Variants in PLEKHG7 observed in about 807,000 individuals in gnomAD.
PLEKHG7 encodes the protein pleckstrin homology domain-containing family G member 7.
PLEKHG7 carries 77 observed loss-of-function variants against 85.2 expected under a neutral mutation model. The observed-to-expected ratio is 0.90, with a 90% CI of 0.75 to 1.09. The LOEUF is 1.09. PLEKHG7 is among the 50% of genes least tolerant of loss of function. PLEKHG7 has a pLI of 0.00. For synonymous variants in PLEKHG7, 301 were observed against 302.4 expected (o/e 1.00, Z 0.05); for missense variants, 777 against 804.3 (o/e 0.97, Z 0.41).
At chr12:92,760,006 CCTT>C (rs1204487091) in intron 13 of PLEKHG7, among the ~76,000 whole-genome samples, 1 of 152,154 alleles carries the variant, frequency 6.6e-6, no homozygotes, top group African/African-American at 2.4e-5. Context: ...TAGGGAACTG[CCTT>C]CTTCTGTGTG....
chr12:92,763,019 C>T (rs1175691181), intron 14 of PLEKHG7, among the ~76,000 whole-genome samples: 2 of 152,034 alleles, frequency 1.3e-5, no homozygotes, highest in Non-Finnish European at 2.9e-5. Context: ...AAAATCTCTA[C>T]CCCCTTCAAA....
At chr12:92,732,326 AAAGT>A (rs749104781) in intron 5 of PLEKHG7, 53 bp downstream of exon 5, 243 of 1,079,460 alleles carry the variant, frequency 2.3e-4, no homozygotes, top group Non-Finnish European at 2.8e-4. Flanking sequence ...TGTAGCTAAG[AAAGT>A]AAGAAATGGC....
intron 15 of PLEKHG7, among the ~76,000 whole-genome samples, chr12:92,766,508 CTCTATT>C (rs1283728070): frequency 6.6e-6 from 1 of 152,008 alleles, no homozygotes; most frequent in Non-Finnish European, 1.5e-5. Context: ...GTTTTTTCTC[CTCTATT>C]TCTTTTTTTT....
chr12:92,754,232 A>G lies in PLEKHG7; in HGVS notation c.1394A>G (p.Tyr465Cys), dbSNP rs751146986. Residue 465 changes from tyrosine to cysteine, a missense_variant, in exon 11 of 17, where the codon TAC (tyrosine) becomes TGC (cysteine). Physicochemically the swap from Tyr to Cys is radical, Grantham distance 194 (BLOSUM62 -2). Coordinates refer to ENST00000344636, the MANE Select transcript of PLEKHG7 (RefSeq NM_001377329.1). ...GACTCTGCTGAGAAAATCATGATCTACTCCATCAAGGAAAAGGTGGAAAAG... is the reference window on the plus strand; with the variant it reads ...GACTCTGCTGAGAAAATCATGATCTGCTCCATCAAGGAAAAGGTGGAAAAG... The part of the protein sequence containing the change: ...SMDSAEKIMI[Y>C]SIKEKVEKSI... 23 of 1,613,784 alleles carry G rather than the reference A, an allele frequency of 1.4e-5. No homozygotes were observed. The South Asian group carries it at 2.3e-4, about 16-fold the overall frequency.
intron 15 of PLEKHG7, 102 bp downstream of exon 15, chr12:92,764,296 A>G: frequency 1.6e-6 from 2 of 1,224,430 alleles, no homozygotes; most frequent in Non-Finnish European, 2.3e-6. Flanking sequence ...AAGTCTTCAT[A>G]AAAACAAGAC....
intron 3 of PLEKHG7, among the ~76,000 whole-genome samples, chr12:92,712,116 A>G (rs1441374337): frequency 6.6e-6 from 1 of 152,154 alleles, no homozygotes; most frequent in Non-Finnish European, 1.5e-5. Context: ...TGGCATGCAA[A>G]TGTGTCACCA....
intron 3 of PLEKHG7, among the ~76,000 whole-genome samples, chr12:92,715,787 C>A (rs1197876438): frequency 6.7e-6 from 1 of 149,774 alleles, no homozygotes; most frequent in Non-Finnish European, 1.5e-5. Context: ...TGGCCCATAA[C>A]CTGTTTCTGT....
At chr12:92,761,382 T>C (rs1337347488) in intron 13 of PLEKHG7, among the ~76,000 whole-genome samples, 1 of 152,016 alleles carries the variant, frequency 6.6e-6, no homozygotes, top group Non-Finnish European at 1.5e-5. Flanking sequence ...AAATTCAATG[T>C]CTTTAATGTT....
intron 7 of PLEKHG7, among the ~76,000 whole-genome samples, chr12:92,738,939 A>AT (rs1309180822): frequency 6.6e-6 from 1 of 152,250 alleles, no homozygotes; most frequent in Non-Finnish European, 1.5e-5. Flanking sequence ...TTACAAGAGC[A>AT]CGTAATAGAA....
intron 3 of PLEKHG7, among the ~76,000 whole-genome samples, chr12:92,720,020 T>G (rs929062779): frequency 3.3e-5 from 5 of 152,230 alleles, no homozygotes; most frequent in African/African-American, 1.2e-4. Flanking sequence ...ATCTGGGTCC[T>G]AAGTTGGGTG....
At chr12:92,734,629 C>T (rs889924330) in intron 5 of PLEKHG7, among the ~76,000 whole-genome samples, 1 of 152,150 alleles carries the variant, frequency 6.6e-6, no homozygotes, top group Non-Finnish European at 1.5e-5. Flanking sequence ...TGGCCCTGTT[C>T]CTTCAACTGT....
intron 3 of PLEKHG7, among the ~76,000 whole-genome samples, chr12:92,725,677 TG>T (rs1345961877): frequency 6.6e-6 from 1 of 152,196 alleles, no homozygotes; most frequent in Non-Finnish European, 1.5e-5. Context: ...GAGGCATCCT[TG>T]CTTCATATAT....
At position 92,761,713 on chromosome 12, in the gene PLEKHG7, G is replaced by A. The variant is rs11106696; in HGVS notation, c.1637-39G>A. 2.6e-3 allele frequency: 3,906 copies of A among 1,525,872 alleles called. 16 individuals carry two copies. The highest frequency in any genetic ancestry group is 3.1e-3 in the Non-Finnish European group (3,548 of 1,145,332). 94.5% of individuals were successfully genotyped at this position (1,525,872 alleles called of 1,614,324 possible). On this transcript the variant is annotated intron_variant, in intron 13 of 16. Transcript: ENST00000344636. The stretch of plus-strand genomic sequence containing the variant: ...GAAAGAAAAACTCTTCTACTTAACA[G>A]TTTCAGGTCCCCATTTCAGCTTCTC...
At chr12:92,751,637 G>A (rs1395173390) in intron 10 of PLEKHG7, among the ~76,000 whole-genome samples, 1 of 150,718 alleles carries the variant, frequency 6.6e-6, no homozygotes, top group Middle Eastern at 3.2e-3. Context: ...GCCTCCCAAA[G>A]TGCTGGGATT....
At chr12:92,720,826 C>T (rs1489761438) in intron 3 of PLEKHG7, among the ~76,000 whole-genome samples, 1 of 152,178 alleles carries the variant, frequency 6.6e-6, no homozygotes. Flanking sequence ...CATTATACCC[C>T]ATTCTTTTTC....
rs1872190749 is a variant in PLEKHG7, at chr12:92,737,445, A to C, written c.863A>C (p.Lys288Thr). 1.9e-6 allele frequency: 3 copies of C among 1,583,516 alleles called. No homozygotes were observed. The highest frequency in any genetic ancestry group is 2.6e-6 in the Non-Finnish European group (3 of 1,171,760). ...CCGACCGATCAATTAGACCTGAAAA[A>C]GCAGCAAGAGGCCGTGTGGGAACTT... ...KLPTDQLDLK[K>T]QQEAVWELFT... The change falls in exon 7 of 17, where the codon AAG becomes ACG. Residue 288 changes from lysine to threonine, a missense_variant. By Grantham distance (78) the Lys-to-Thr change is moderately conservative. Coordinates refer to ENST00000344636, the MANE Select transcript of PLEKHG7 (RefSeq NM_001377329.1).
At chr12:92,729,946 G>A (rs1345940835) in intron 4 of PLEKHG7, among the ~76,000 whole-genome samples, 2 of 152,114 alleles carry the variant, frequency 1.3e-5, no homozygotes, top group Non-Finnish European at 2.9e-5. Context: ...ATTCACATAT[G>A]TGTGAGTGAG....
chr12:92,745,008 T>A (rs1872487902), intron 9 of PLEKHG7, among the ~76,000 whole-genome samples: 1 of 152,166 alleles, frequency 6.6e-6, no homozygotes, highest in South Asian at 2.1e-4. Flanking sequence ...CCAGCAAAAT[T>A]AAATGCATGG....
intron 5 of PLEKHG7, among the ~76,000 whole-genome samples, chr12:92,733,180 T>A (rs1020678111): frequency 6.6e-6 from 1 of 152,164 alleles, no homozygotes; most frequent in Non-Finnish European, 1.5e-5. Flanking sequence ...CCCTATGACC[T>A]TGGCCAAATG....
Sources: allele counts gnomAD v4.1 joint callset (sites outside exome capture counted in the v4.1 genomes callset), GRCh38; gene constraint gnomAD v4.1.1; transcripts MANE v1.5; gene names NCBI Gene and HGNC (gene_info 2026-07-23, HGNC 2026-07-21).